The following CEP85L variants were observed in gnomAD, a reference collection of about 807,000 sequenced individuals.
The protein encoded by CEP85L is centrosomal protein of 85 kDa-like.
CEP85L carries 60 observed loss-of-function variants against 100.3 expected under a neutral mutation model. The observed-to-expected ratio is 0.60, with a 90% confidence interval of 0.49 to 0.74. The LOEUF (loss-of-function observed/expected upper bound fraction) is 0.74. Among genes scored for constraint, CEP85L ranks in the 30% least tolerant of loss-of-function variants. The pLI is 0.00. For synonymous variants in CEP85L, 319 were observed against 322.7 expected, an observed-to-expected ratio of 0.99 and a Z score of 0.12; for missense variants, 973 against 936.2, an observed-to-expected ratio of 1.04 and a Z score of -0.51.
intron 1 of CEP85L, among the ~76,000 whole-genome samples, chr6:118,649,940 C>T (rs969200481): frequency 6.6e-6 from 1 of 152,182 alleles, no homozygotes; most frequent in African/African-American, 2.4e-5. Flanking sequence ...TCACAAATAT[C>T]TAAACTATCA....
chr6:118,471,820 T>C lies in CEP85L; in HGVS notation c.1915-1176A>G, dbSNP rs528564112. Among the ~76,000 whole-genome samples the C allele has an allele frequency of 4.0e-5, 6 of 151,804 alleles. No individual in the cohort carries two copies. In the South Asian group the frequency reaches 1.0e-3, roughly 26 times the overall value. ...GGGGCTCTCTGAATACGTGTATTATTGAAAACTGAAATTTCCTTTGTAACT... is the reference window on the plus strand; with the variant it reads ...GGGGCTCTCTGAATACGTGTATTATCGAAAACTGAAATTTCCTTTGTAACT... On this transcript the variant is annotated intron_variant, in intron 10 of 12. Coordinates refer to ENST00000368491, the MANE Select transcript of CEP85L (RefSeq NM_001042475.3).
chr6:118,531,637 A>C (rs1348667600), intron 3 of CEP85L, among the ~76,000 whole-genome samples: 2 of 152,204 alleles, frequency 1.3e-5, no homozygotes, highest in Non-Finnish European at 2.9e-5. Context: ...AATATCCACA[A>C]TCTATAAGGA....
chr6:118,558,939 C>T (rs1181173210), intron 3 of CEP85L: 4 of 1,613,692 alleles, frequency 2.5e-6, no homozygotes, highest in Admixed American at 1.7e-5. Flanking sequence ...AAGTCCAATA[C>T]CTCACTCGCT....
intron 4 of CEP85L, among the ~76,000 whole-genome samples, chr6:118,519,759 T>A (rs184244362): frequency 5.9e-5 from 9 of 152,124 alleles, no homozygotes; most frequent in African/African-American, 2.2e-4. Flanking sequence ...CTGCTGAAAG[T>A]TTAGGAAATA....
intron 10 of CEP85L, among the ~76,000 whole-genome samples, chr6:118,473,518 T>C (rs1466044829): frequency 6.6e-6 from 1 of 151,906 alleles, no homozygotes; most frequent in Admixed American, 6.6e-5. Context: ...CAGAACAGAT[T>C]GTATAGGGCC....
At chr6:118,624,358 C>T (rs920999411) in intron 2 of CEP85L, among the ~76,000 whole-genome samples, 3 of 152,088 alleles carry the variant, frequency 2.0e-5, no homozygotes, top group Admixed American at 6.6e-5. Context: ...ACCACATCAA[C>T]CTTTTTTCTA....
At chr6:118,561,132 C>G (rs919268332) in intron 3 of CEP85L, among the ~76,000 whole-genome samples, 1 of 152,136 alleles carries the variant, frequency 6.6e-6, no homozygotes, top group South Asian at 2.1e-4. Context: ...TCAGGGATAT[C>G]TGAAGAACAG....
intron 8 of CEP85L, 29 bp downstream of exon 8, chr6:118,481,750 A>G: frequency 7.5e-7 from 1 of 1,338,018 alleles, no homozygotes; most frequent in Non-Finnish European, 1.0e-6. Flanking sequence ...GAATAAAATA[A>G]TGTAGAAGGA....
At chr6:118,556,782 T>C (rs1041130989) in intron 3 of CEP85L, among the ~76,000 whole-genome samples, 1 of 152,220 alleles carries the variant, frequency 6.6e-6, no homozygotes, top group African/African-American at 2.4e-5. Context: ...TTTTTCATTT[T>C]TCTTATTTCA....
chr6:118,558,689 GGA>G (rs1339733111), intron 3 of CEP85L: 3 of 308,588 alleles, frequency 9.7e-6, no homozygotes, highest in South Asian at 4.4e-5. Context: ...AGAGAGAGAG[GGA>G]GAGAGACTAT....
intron 1 of CEP85L, among the ~76,000 whole-genome samples, chr6:118,674,042 C>T (rs1011579877): frequency 1.3e-5 from 2 of 152,088 alleles, no homozygotes; most frequent in Non-Finnish European, 2.9e-5. Flanking sequence ...ATTGTAAGAG[C>T]TAAAACTATA....
At chr6:118,628,230 G>A (rs1033566121) in intron 2 of CEP85L, among the ~76,000 whole-genome samples, 12 of 152,206 alleles carry the variant, frequency 7.9e-5, no homozygotes, top group African/African-American at 7.2e-5. Context: ...ACTCAAACAC[G>A]GCAGGGATAT....
At chr6:118,680,471 G>A (rs955081800) in intron 1 of CEP85L, among the ~76,000 whole-genome samples, 3 of 152,050 alleles carry the variant, frequency 2.0e-5, no homozygotes, top group Admixed American at 1.3e-4. Context: ...TCAGATATTA[G>A]GTGGGATTGT....
Position 118,579,318 on chromosome 6 carries a change from T to C in CEP85L, c.233-13002A>G, listed in dbSNP as rs115460250. Among the ~76,000 whole-genome samples the C allele has an allele frequency of 8.5e-3, 1,273 of 149,170 alleles. 17 individuals carry two copies. Among genetic ancestry groups the C allele is most frequent in the African/African-American group, 0.03 (1,228 of 40,432 alleles). ...AAGAGGTCAACAATTCAAAATAAAA[T>C]ATTTTCCAATTTGGTCAAGGGGTGG... On this transcript the variant is annotated intron_variant, in intron 2 of 12. Transcript: ENST00000368491.
chr6:118,495,800 T>C (rs144146212), intron 5 of CEP85L, among the ~76,000 whole-genome samples: 523 of 152,278 alleles, frequency 3.4e-3, no homozygotes, highest in Middle Eastern at 6.8e-3. Context: ...AATGAACTGA[T>C]GAAACAGCAG....
chr6:118,700,114 C>T (rs1170679728), intron 1 of CEP85L, among the ~76,000 whole-genome samples: 1 of 152,206 alleles, frequency 6.6e-6, no homozygotes, highest in East Asian at 1.9e-4. Flanking sequence ...ACAGAGTATT[C>T]TCTTTTTACC....
At chr6:118,652,239 T>A (rs1775611505), upstream of CEP85L, among the ~76,000 whole-genome samples, 1 of 152,066 alleles carries the variant, frequency 6.6e-6, no homozygotes, top group African/African-American at 2.4e-5. Context: ...AAAGTAAAAA[T>A]GGCACCAAAG....
chr6:118,490,410 T>C (rs1037008818), intron 6 of CEP85L, among the ~76,000 whole-genome samples: 2 of 152,220 alleles, frequency 1.3e-5, no homozygotes, highest in Non-Finnish European at 2.9e-5. Flanking sequence ...GTAAAATGAC[T>C]GGATCCTTTG....
intron 2 of CEP85L, among the ~76,000 whole-genome samples, chr6:118,583,230 C>A (rs1780672801): frequency 6.6e-6 from 1 of 152,140 alleles, no homozygotes; most frequent in South Asian, 2.1e-4. Flanking sequence ...GCGACTCAGA[C>A]TGCCATTACA....
Sources: gnomAD v4.1 joint callset for allele counts (sites outside exome capture counted in the v4.1 genomes callset) on GRCh38, gnomAD v4.1.1 for gene constraint, MANE v1.5 for transcripts, NCBI Gene and HGNC (gene_info 2026-07-23, HGNC 2026-07-21) for gene names.